Variants in WDPCP observed in about 807,000 individuals in gnomAD.
WDPCP encodes the protein WD repeat-containing and planar cell polarity effector protein fritz homolog.
A neutral mutation model predicts 93.1 loss-of-function variants in WDPCP; 71 were observed. The ratio of observed to expected loss-of-function variants is 0.76; its 90% CI spans 0.63 to 0.93. The LOEUF is 0.93. Ranked by LOEUF, WDPCP falls within the 40% of genes least tolerant of loss-of-function variation. WDPCP has a pLI of 0.00. For missense variants in WDPCP, 844 were observed against 887.4 expected (o/e 0.95, Z 0.62); for synonymous variants, 315 against 315.0 (o/e 1.00, Z 0.00).
chr2:63,594,846 G>C (rs1462065977), intron 3 of WDPCP: 1 of 347,326 alleles, frequency 2.9e-6, no homozygotes, highest in African/African-American at 2.1e-5. Context: ...CAGTCAATGG[G>C]AGATATCACT....
At chr2:63,622,440 C>G (rs1034935371) in intron 3 of WDPCP, 1 of 1,613,880 alleles carries the variant, frequency 6.2e-7, no homozygotes. Context: ...AGAGGAGACC[C>G]AGGCTTCCCG....
intron 9 of WDPCP, among the ~76,000 whole-genome samples, chr2:63,430,206 TG>T (rs1437242037): frequency 3.3e-5 from 5 of 151,874 alleles, no homozygotes; most frequent in Non-Finnish European, 7.4e-5. Flanking sequence ...CAATATACAG[TG>T]GGGACTAATA....
At chr2:63,801,310 T>C (rs1380326330) in intron 2 of WDPCP, among the ~76,000 whole-genome samples, 1 of 152,158 alleles carries the variant, frequency 6.6e-6, no homozygotes, top group South Asian at 2.1e-4. Context: ...TAGTGTCTCA[T>C]GATGTGTCTG....
At chr2:63,622,939 G>A in intron 3 of WDPCP, 2 of 935,762 alleles carry the variant, frequency 2.1e-6, no homozygotes, top group Non-Finnish European at 3.2e-6. Context: ...CTGCTGCCAG[G>A]CTCGTAGCTC....
intron 17 of WDPCP, among the ~76,000 whole-genome samples, chr2:63,122,465 T>C (rs554139118): frequency 1.1e-4 from 17 of 152,316 alleles, no homozygotes; most frequent in Middle Eastern, 3.4e-3. Context: ...TATTTGATAA[T>C]GGCTATTGAG....
intron 2 of WDPCP, among the ~76,000 whole-genome samples, chr2:63,745,563 T>G (rs781042315): frequency 6.6e-6 from 1 of 152,144 alleles, no homozygotes; most frequent in African/African-American, 2.4e-5. Context: ...TTACAGCTCT[T>G]TCATCTGGAA....
At chr2:63,469,861 T>C (rs760495207) in intron 6 of WDPCP, among the ~76,000 whole-genome samples, 14 of 152,162 alleles carry the variant, frequency 9.2e-5, no homozygotes, top group Non-Finnish European at 2.1e-4. Flanking sequence ...AAAAGTTTTT[T>C]AAAAAATACT....
At chr2:63,677,310 A>C (rs921862747) in intron 2 of WDPCP, among the ~76,000 whole-genome samples, 4 of 152,186 alleles carry the variant, frequency 2.6e-5, no homozygotes, top group African/African-American at 9.6e-5. Flanking sequence ...GGTTTTTCAT[A>C]CTCAATATAC....
chr2:63,692,083 T>C (rs1277728665), intron 2 of WDPCP, among the ~76,000 whole-genome samples: 3 of 152,204 alleles, frequency 2.0e-5, no homozygotes, highest in African/African-American at 4.8e-5. Context: ...TCTTCAAGTT[T>C]TGTTTGAGCC....
rs763675856 is a variant in WDPCP, at chr2:63,378,510, C to G, written c.1625-1G>C. 6.2e-7 allele frequency: 1 copy of G among 1,612,974 alleles called. No homozygotes were observed. Among genetic ancestry groups the G allele is most frequent in the South Asian group, 1.1e-5 (1 of 91,064 alleles). Reference sequence around the variant, plus strand: ...GTTCCAAGGCTTGTCTCAAGCTGTGCTGTGGAATTCAAACATAGCAGCACT... The same window carrying G: ...GTTCCAAGGCTTGTCTCAAGCTGTGGTGTGGAATTCAAACATAGCAGCACT... On this transcript the variant is annotated splice_acceptor_variant, in intron 11 of 17. Transcript: ENST00000272321. LOFTEE classifies it high-confidence loss of function.
At chr2:63,703,495 T>G (rs1228374576) in intron 2 of WDPCP, among the ~76,000 whole-genome samples, 1 of 152,242 alleles carries the variant, frequency 6.6e-6, no homozygotes, top group Non-Finnish European at 1.5e-5. Flanking sequence ...TTTTTTCATG[T>G]GTTTTTTGGC....
intron 6 of WDPCP, among the ~76,000 whole-genome samples, chr2:63,452,878 C>G (rs1698356086): frequency 6.6e-6 from 1 of 152,184 alleles, no homozygotes. Flanking sequence ...GCTGGGAAAA[C>G]TGGCTAGCCA....
chr2:63,405,718 G>A (rs1694525508), intron 9 of WDPCP, among the ~76,000 whole-genome samples: 1 of 151,954 alleles, frequency 6.6e-6, no homozygotes, highest in African/African-American at 2.4e-5. Flanking sequence ...TACCAACATG[G>A]AACACAATGC....
chr2:63,342,207 A>G (rs868565387), intron 12 of WDPCP, among the ~76,000 whole-genome samples: 5 of 152,144 alleles, frequency 3.3e-5, no homozygotes, highest in South Asian at 2.1e-4. Flanking sequence ...GTAATGCTCA[A>G]TCTCCCACCA....
At position 63,607,116 on chromosome 2, in the gene WDPCP, G is replaced by T. The variant is rs1260999131; in HGVS notation, n.488+43543C>A. On this transcript the variant is annotated intron_variant and non_coding_transcript_variant, in intron 3 of 4. Transcript: ENST00000467687. ...AAACAACACATTTTAAAGATTACGT[G>T]CTTCTTGGTACAGGTTTGTGAATGA... is the stretch of plus-strand genomic sequence containing the variant. 6 of 884,768 alleles carry T rather than the reference G, an allele frequency of 6.8e-6. No individual in the cohort carries two copies. In the African/African-American group the frequency reaches 8.6e-5, roughly 13 times the overall value. The allele number at this position is 884,768 out of a possible 1,614,324, so 54.8% of individuals were successfully genotyped here.
At chr2:63,375,686 C>T (rs1350423282) in intron 12 of WDPCP, among the ~76,000 whole-genome samples, 6 of 151,810 alleles carry the variant, frequency 4.0e-5, no homozygotes, top group Non-Finnish European at 8.8e-5. Flanking sequence ...CCTCTCAAGA[C>T]AAAAATAAAA....
intron 14 of WDPCP, among the ~76,000 whole-genome samples, chr2:63,211,006 C>G (rs932288988): frequency 6.6e-6 from 1 of 152,222 alleles, no homozygotes; most frequent in African/African-American, 2.4e-5. Context: ...GCCTGCCTGC[C>G]TCTGTAGACT....
intron 2 of WDPCP, among the ~76,000 whole-genome samples, chr2:63,660,703 T>C (rs1371036397): frequency 6.6e-6 from 1 of 152,246 alleles, no homozygotes; most frequent in African/African-American, 2.4e-5. Flanking sequence ...TATTTTTGAT[T>C]TCTGTGTTTA....
intron 14 of WDPCP, among the ~76,000 whole-genome samples, chr2:63,184,388 G>C (rs1361276048): frequency 6.6e-6 from 1 of 152,094 alleles, no homozygotes; most frequent in East Asian, 1.9e-4. Context: ...GAACTCCTTT[G>C]AATATTTTTA....
Sources: gnomAD v4.1 joint callset for allele counts (sites outside exome capture counted in the v4.1 genomes callset) on GRCh38, gnomAD v4.1.1 for gene constraint, MANE v1.5 for transcripts, NCBI Gene and HGNC (gene_info 2026-07-23, HGNC 2026-07-21) for gene names.